OCM: variants seen among roughly 807,000 people sequenced by gnomAD.
OCM encodes oncomodulin.
Under a neutral mutation model 14.1 loss-of-function variants are expected in OCM, and 18 were observed. The ratio of observed to expected loss-of-function variants is 1.28; its 90% confidence interval spans 0.88 to 1.89. The LOEUF (loss-of-function observed/expected upper bound fraction) is 1.89, where lower values mean the gene tolerates loss of function less well. OCM is among the 40% of genes most tolerant of loss of function. The probability of loss-of-function intolerance (pLI) is 0.00; values close to 1 mark genes in which losing one functional copy is unlikely to be tolerated. For synonymous variants in OCM, 48 were observed against 51.0 expected (o/e 0.94, Z 0.25); for missense variants, 140 against 137.6 (o/e 1.02, Z -0.09).
At chr7:5,860,409 C>T in the OCM span, among the ~76,000 whole-genome samples, 1 of 129,004 alleles carries the variant, frequency 7.8e-6, no homozygotes, top group Non-Finnish European at 1.6e-5. Flanking sequence ...TGTATATATA[C>T]GTATATATAT....
chr7:5,878,895 A>G (rs1781151621), upstream of OCM, among the ~76,000 whole-genome samples: 1 of 149,986 alleles, frequency 6.7e-6, no homozygotes, highest in South Asian at 2.1e-4. Context: ...AAAAAAAAAA[A>G]AAAAGCCAGG....
chr7:5,863,497 G>A, the OCM span, among the ~76,000 whole-genome samples: 2 of 151,896 alleles, frequency 1.3e-5, no homozygotes, highest in South Asian at 4.2e-4. Flanking sequence ...TTAGATGGCT[G>A]AGGGGCTGGC....
chr7:5,863,456 G>C, the OCM span, among the ~76,000 whole-genome samples: 2 of 152,036 alleles, frequency 1.3e-5, no homozygotes, highest in African/African-American at 2.4e-5. Flanking sequence ...GGAGTGACGT[G>C]CTTGAGAGGG....
the OCM span, among the ~76,000 whole-genome samples, chr7:5,860,448 TGTATGTATATTATTAC>T: frequency 7.3e-6 from 1 of 136,850 alleles, no homozygotes; most frequent in Admixed American, 7.5e-5. Context: ...TATATATACG[TGTATGTATATTATTAC>T]GTATATATAC....
the OCM span, among the ~76,000 whole-genome samples, chr7:5,860,410 G>GTA: frequency 2.6e-4 from 34 of 128,548 alleles, no homozygotes; most frequent in Admixed American, 5.6e-4. Context: ...GTATATATAC[G>GTA]TATATATATA....
At chr7:5,875,436 T>G (rs1781077216), upstream of OCM, among the ~76,000 whole-genome samples, 1 of 152,020 alleles carries the variant, frequency 6.6e-6, no homozygotes, top group Non-Finnish European at 1.5e-5. Context: ...TCAGAAAACA[T>G]GTTCACTGAA....
upstream of OCM, among the ~76,000 whole-genome samples, chr7:5,877,612 A>G (rs1202114134): frequency 2.6e-5 from 4 of 151,978 alleles, no homozygotes; most frequent in African/African-American, 9.7e-5. Flanking sequence ...TGAGATCAGG[A>G]GTTCGAGACC....
At chr7:5,880,977 G>A (rs1314086106) in intron 1 of OCM, 27 bp downstream of exon 1, 9 of 1,547,164 alleles carry the variant, frequency 5.8e-6, no homozygotes, top group Non-Finnish European at 7.1e-6. Context: ...GCGGGGGTGG[G>A]ATTTCCTCAC....
At chr7:5,883,001 T>A (rs1781253135) in intron 2 of OCM, among the ~76,000 whole-genome samples, 1 of 151,816 alleles carries the variant, frequency 6.6e-6, no homozygotes, top group Non-Finnish European at 1.5e-5. Flanking sequence ...TGCCACCACA[T>A]CCAGCTCATT....
At chr7:5,870,532 A>C in the OCM span, among the ~76,000 whole-genome samples, 29,981 of 152,198 alleles carry the variant, frequency 0.2, 3,567 homozygotes, top group Admixed American at 0.39. Context: ...AAAATAAGCC[A>C]TTACTCCAGG....
At chr7:5,881,707 A>G (rs957931631) in intron 1 of OCM, among the ~76,000 whole-genome samples, 1 of 152,166 alleles carries the variant, frequency 6.6e-6, no homozygotes, top group African/African-American at 2.4e-5. Context: ...GCTATTTATT[A>G]GATAACTAAA....
chr7:5,883,896 C>A lies in OCM; in HGVS notation c.201C>A (p.Phe67Leu), dbSNP rs1781278011. Reference sequence around the variant, plus strand: ...GATCTTTATTATCCTGTAGGTTTTTCCTCCAGAAGTTTGAGAGTGGTGCCA... The same window carrying A: ...GATCTTTATTATCCTGTAGGTTTTTACTCCAGAAGTTTGAGAGTGGTGCCA... ...GYLDEEELKFFLQKFESGARE... is the reference protein window; with the variant it reads ...GYLDEEELKFLLQKFESGARE... The change falls in exon 3 of 4, where the codon TTC (phenylalanine) becomes TTA (leucine). Residue 67 changes from phenylalanine (F) to leucine (L), a missense_variant. Coordinates refer to ENST00000242104, the MANE Select transcript of OCM (RefSeq NM_001097622.2). The A allele has an allele frequency of 6.2e-7, 1 of 1,611,928 alleles. No individual in the cohort carries two copies. The highest frequency in any genetic ancestry group is 1.3e-5 in the African/African-American group (1 of 74,788).
chr7:5,873,930 G>C, the OCM span, among the ~76,000 whole-genome samples: 2 of 151,596 alleles, frequency 1.3e-5, no homozygotes, highest in African/African-American at 4.9e-5. Context: ...CACAAGGGCA[G>C]CCAGGCTGGG....
At position 5,883,963 on chromosome 7, in the gene OCM, G is replaced by A. The variant is rs1562531123; in HGVS notation, c.268G>A (p.Ala90Thr). 2 of 1,613,434 alleles carry A rather than the reference G, an allele frequency of 1.2e-6. No individual in the cohort carries two copies. The highest frequency in any genetic ancestry group is 1.1e-5 in the South Asian group (1 of 90,998). Residue 90 changes from alanine to threonine, a missense_variant, in exon 3 of 4, where the codon GCG (alanine) becomes ACG (threonine). Transcript: ENST00000242104. ...AGAAACCAAGTCCTTGATGGCTGCGGCGGATAATGATGGAGATGGGAAAAT... is the reference window on the plus strand; with the variant it reads ...AGAAACCAAGTCCTTGATGGCTGCGACGGATAATGATGGAGATGGGAAAAT... ...ESETKSLMAA[A>T]DNDGDGKIGA...
the OCM span, among the ~76,000 whole-genome samples, chr7:5,874,732 C>T: frequency 6.6e-6 from 1 of 152,028 alleles, no homozygotes; most frequent in Non-Finnish European, 1.5e-5. Flanking sequence ...TCTCAAACTC[C>T]TGGCTTCAAG....
chr7:5,883,688 AAAAC>A (rs57281164), intron 2 of OCM, among the ~76,000 whole-genome samples, 198 bp from the exon 3 acceptor site: 1 of 150,182 alleles, frequency 6.7e-6, no homozygotes, highest in Non-Finnish European at 1.5e-5. Flanking sequence ...CCCTGTCTCA[AAAAC>A]AAACAAACAA....
upstream of OCM, chr7:5,879,874 T>C (rs1477982744): frequency 6.6e-6 from 1 of 152,026 alleles, no homozygotes; most frequent in East Asian, 1.9e-4. Flanking sequence ...CTATATAAGG[T>C]AGGTCAGTAA....
intron 3 of OCM, 34 bp from the exon 4 acceptor site, chr7:5,886,030 T>C (rs374256525): frequency 1.2e-6 from 2 of 1,613,874 alleles, no homozygotes; most frequent in African/African-American, 2.7e-5. Context: ...CCAAGCCACC[T>C]CCACTGACCC....
the OCM span, among the ~76,000 whole-genome samples, chr7:5,866,191 GGT>G: frequency 6.6e-6 from 1 of 151,588 alleles, no homozygotes; most frequent in Non-Finnish European, 1.5e-5. Context: ...TGGTTCTGGT[GGT>G]GTGTGCCTGT....
Sources: allele counts gnomAD v4.1 joint callset (sites outside exome capture counted in the v4.1 genomes callset), GRCh38; gene constraint gnomAD v4.1.1; transcripts MANE v1.5; gene names NCBI Gene and HGNC (gene_info 2026-07-23, HGNC 2026-07-21).